The following CALN1 variants were observed in gnomAD, a reference collection of about 807,000 sequenced individuals.
CALN1 encodes the protein calcium-binding protein 8.
Under a neutral mutation model 30.6 loss-of-function variants are expected in CALN1, and 17 were observed. The ratio of observed to expected loss-of-function variants is 0.56; its 90% CI spans 0.38 to 0.83. The LOEUF is 0.83. Among genes scored for constraint, CALN1 ranks in the 40% least tolerant of loss-of-function variants. The pLI, the probability that CALN1 is intolerant of heterozygous loss-of-function variation, is 0.00. For missense variants in CALN1, 291 were observed against 354.9 expected (o/e 0.82, Z 1.45); for synonymous variants, 156 against 131.4 (o/e 1.19, Z -1.28).
intron 2 of CALN1, among the ~76,000 whole-genome samples, chr7:72,388,381 A>G (rs1265009153): frequency 6.6e-6 from 1 of 151,944 alleles, no homozygotes; most frequent in Admixed American, 6.6e-5. Context: ...AAAAAAACAA[A>G]CAAAAAAGGT....
At chr7:71,969,460 A>AATAC (rs1156756045) in intron 5 of CALN1, among the ~76,000 whole-genome samples, 1 of 152,202 alleles carries the variant, frequency 6.6e-6, no homozygotes, top group Non-Finnish European at 1.5e-5. Context: ...TACATAACCG[A>AATAC]ATACATACAT....
chr7:72,106,428 A>T, intron 3 of CALN1, 134 bp from the exon 4 acceptor site: 1 of 1,057,454 alleles, frequency 9.5e-7, no homozygotes, highest in East Asian at 2.5e-5. Flanking sequence ...TAATCAGATA[A>T]AAGGGAGGAC....
intron 2 of CALN1, among the ~76,000 whole-genome samples, chr7:72,344,935 CAT>C (rs1371724334): frequency 6.8e-6 from 1 of 146,332 alleles, no homozygotes; most frequent in African/African-American, 2.5e-5. Context: ...TATATTTATT[CAT>C]ATATGAATTG....
chr7:71,969,309 T>C (rs923138412), intron 5 of CALN1, among the ~76,000 whole-genome samples: 1 of 152,132 alleles, frequency 6.6e-6, no homozygotes, highest in Non-Finnish European at 1.5e-5. Flanking sequence ...GCATTCTCGG[T>C]ATTAACCTTC....
chr7:72,019,407 T>C (rs1468916986), intron 5 of CALN1, among the ~76,000 whole-genome samples: 3 of 152,160 alleles, frequency 2.0e-5, no homozygotes. Context: ...GAGGCTGTTC[T>C]CTCCCACACT....
intron 5 of CALN1, among the ~76,000 whole-genome samples, chr7:71,987,744 T>C (rs1363508215): frequency 6.6e-6 from 1 of 152,262 alleles, no homozygotes; most frequent in Non-Finnish European, 1.5e-5. Flanking sequence ...GTTCAGTCTC[T>C]TGCCTGCAGG....
At chr7:72,395,357 GCGCA>G (rs983046587) in intron 2 of CALN1, among the ~76,000 whole-genome samples, 7 of 150,170 alleles carry the variant, frequency 4.7e-5, no homozygotes, top group African/African-American at 1.7e-4. Flanking sequence ...GCGCACGCGC[GCGCA>G]CACACACACA....
chr7:71,951,507 C>T (rs1014739216), intron 5 of CALN1, among the ~76,000 whole-genome samples: 3 of 152,168 alleles, frequency 2.0e-5, no homozygotes, highest in Non-Finnish European at 4.4e-5. Context: ...AAGAGAATCG[C>T]TTGAACCCAG....
chr7:72,238,722 C>T (rs758453488), intron 3 of CALN1, among the ~76,000 whole-genome samples: 7 of 152,126 alleles, frequency 4.6e-5, no homozygotes, highest in Non-Finnish European at 7.4e-5. Context: ...GCTGCCGCCA[C>T]GTGAAGAAGG....
At chr7:72,278,653 G>C in intron 3 of CALN1, 33 bp downstream of exon 3, 2 of 1,592,506 alleles carry the variant, frequency 1.3e-6, no homozygotes, top group Non-Finnish European at 1.7e-6. Flanking sequence ...CCTGGGAGGG[G>C]GGCCATCCCC....
chr7:72,219,648 C>T (rs1409501400), intron 3 of CALN1, among the ~76,000 whole-genome samples: 3 of 150,582 alleles, frequency 2.0e-5, no homozygotes, highest in Admixed American at 1.3e-4. Flanking sequence ...CGCACACACA[C>T]ACACGCACAC....
chr7:72,398,824 G>A (rs994491217), intron 2 of CALN1, among the ~76,000 whole-genome samples: 2 of 152,178 alleles, frequency 1.3e-5, no homozygotes, highest in Admixed American at 1.3e-4. Context: ...CTTTAGAAAA[G>A]TTTCTATAAA....
intron 4 of CALN1, among the ~76,000 whole-genome samples, chr7:72,036,118 C>T (rs2129532984): frequency 6.6e-6 from 1 of 152,282 alleles, no homozygotes; most frequent in South Asian, 2.1e-4. Context: ...CTGGATATTC[C>T]ATTCTTGATT....
Position 72,420,794 on chromosome 7 carries a change from T to C in CALN1, c.-225-8519A>G, listed in dbSNP as rs561499787. ...GCCACTACGCCCGGCTAATTTTTTG[T>C]ATTTTTAGTAGAGACAGGGTTTCAC... On this transcript the variant is annotated intron_variant, in intron 1 of 6. Coordinates refer to the CALN1 transcript ENST00000395276. Among the ~76,000 whole-genome samples, 4 of 152,042 alleles carry C rather than the reference T, an allele frequency of 2.6e-5. No individual in the cohort carries two copies. In the South Asian group the frequency reaches 8.3e-4, roughly 32 times the overall value.
intron 6 of CALN1, among the ~76,000 whole-genome samples, chr7:71,790,265 C>T (rs2115872379): frequency 7.8e-6 from 1 of 127,756 alleles, no homozygotes; most frequent in South Asian, 2.7e-4. Flanking sequence ...AGAAAGAAAG[C>T]AAGAAAGCAA....
intron 4 of CALN1, among the ~76,000 whole-genome samples, chr7:72,051,776 C>A (rs1312853841): frequency 1.3e-5 from 2 of 152,090 alleles, no homozygotes; most frequent in African/African-American, 4.8e-5. Context: ...TGTATGAAAT[C>A]AAATCAATAG....
intron 3 of CALN1, among the ~76,000 whole-genome samples, chr7:72,262,177 C>T (rs1258479182): frequency 6.6e-6 from 1 of 152,166 alleles, no homozygotes; most frequent in Non-Finnish European, 1.5e-5. Flanking sequence ...AGCTCCTACC[C>T]AAGGAATAAG....
chr7:72,406,059 C>A (rs889655823), intron 1 of CALN1, among the ~76,000 whole-genome samples: 2 of 152,338 alleles, frequency 1.3e-5, no homozygotes, highest in South Asian at 2.1e-4. Context: ...TCCTGCTGCT[C>A]AGCTGGCTCT....
chr7:71,888,766 AG>A (rs1211057731), intron 5 of CALN1, among the ~76,000 whole-genome samples: 7 of 151,812 alleles, frequency 4.6e-5, no homozygotes, highest in Non-Finnish European at 1.5e-5. Context: ...TGGTGGCAAG[AG>A]GGGTGACGTG....
Sources: gnomAD v4.1 joint callset for allele counts (sites outside exome capture counted in the v4.1 genomes callset) on GRCh38, gnomAD v4.1.1 for gene constraint, MANE v1.5 for transcripts, NCBI Gene and HGNC (gene_info 2026-07-23, HGNC 2026-07-21) for gene names.